USP8: variants seen among roughly 807,000 people sequenced by gnomAD.
USP8 encodes the protein ubiquitin carboxyl-terminal hydrolase 8.
Under a neutral mutation model 130.0 loss-of-function variants are expected in USP8, and 27 were observed. That is an observed-to-expected ratio of 0.21 (90% CI 0.15 to 0.29). The LOEUF is 0.29. Among genes scored for constraint, USP8 ranks in the 10% least tolerant of loss-of-function variants. The pLI, the probability that USP8 is intolerant of heterozygous loss-of-function variation, is 1.00. For missense variants in USP8, 1,029 were observed against 1,312.2 expected, an observed-to-expected ratio of 0.78 and a Z score of 3.33; for synonymous variants, 392 against 444.1, an observed-to-expected ratio of 0.88 and a Z score of 1.48.
At chr15:50,475,057 C>T (rs2051516621) in intron 8 of USP8, among the ~76,000 whole-genome samples, 3 of 151,982 alleles carry the variant, frequency 2.0e-5, no homozygotes, top group Admixed American at 6.6e-5. Context: ...TGCAATGAGC[C>T]GAGATCGCAC....
chr15:50,441,216 C>G, intron 2 of USP8, 133 bp from the exon 3 acceptor site: 3 of 788,356 alleles, frequency 3.8e-6, no homozygotes, highest in Non-Finnish European at 3.7e-6. Context: ...TCATAACAGG[C>G]CGTGAACCAG....
At position 50,494,144 on chromosome 15, in the gene USP8, A is replaced by G; in HGVS notation, c.2522A>G (p.Gln841Arg). Residue 841 changes from glutamine to arginine, a missense_variant, in exon 16 of 20, where the codon CAG becomes CGG. By Grantham distance (43) the Gln-to-Arg change is conservative. Around this residue, in one of 4 missense-constraint regions of USP8, gnomAD observed 257 missense variants for 429.8 expected, o/e 0.60. Transcript: ENST00000307179. Reference protein sequence around the residue: ...GIIMKALWTGQYRYISPKDFK... With the variant: ...GIIMKALWTGRYRYISPKDFK... ...ATCATGAAAGCCCTGTGGACAGGACAGTATAGATATATCAGTCCAAAGGAC... is the reference window on the plus strand; with the variant it reads ...ATCATGAAAGCCCTGTGGACAGGACGGTATAGATATATCAGTCCAAAGGAC... The G allele has an allele frequency of 6.2e-7, 1 of 1,612,902 alleles. No individual in the cohort carries two copies. The highest frequency in any genetic ancestry group is 8.5e-7 in the Non-Finnish European group (1 of 1,179,930).
At chr15:50,451,720 A>G (rs2050634754) in intron 4 of USP8, among the ~76,000 whole-genome samples, 1 of 152,166 alleles carries the variant, frequency 6.6e-6, no homozygotes, top group Non-Finnish European at 1.5e-5. Context: ...CCCTGTGTGA[A>G]CATATCTTCA....
intron 16 of USP8, 38 bp downstream of exon 16, chr15:50,494,318 T>C (rs2052290399): frequency 2.6e-6 from 4 of 1,552,838 alleles, no homozygotes; most frequent in South Asian, 2.5e-5. Context: ...AGAGACTCTT[T>C]AGGGTTGCTC....
rs112393557 is a variant in USP8 at position 50,457,906 on chromosome 15, T to C, written c.336-1094T>C. ...AGAAAAAAAAAAGAAAAAAAGAGCA[T>C]ATAAAATGTAAAGATACAATAAAGA... On this transcript the variant is annotated intron_variant, in intron 4 of 19. Coordinates refer to ENST00000307179, the MANE Select transcript of USP8 (RefSeq NM_005154.5). Among the ~76,000 whole-genome samples the C allele has an allele frequency of 3.6e-3, 539 of 150,522 alleles. 5 individuals are homozygous for C. The highest frequency in any genetic ancestry group is 0.012 in the African/African-American group (510 of 41,004).
At chr15:50,498,307 C>CT in intron 18 of USP8, 1 of 253,604 alleles carries the variant, frequency 3.9e-6, no homozygotes, top group Non-Finnish European at 7.4e-6. Flanking sequence ...TCTTACCTTC[C>CT]TAGAAGACTC....
intron 12 of USP8, 29 bp downstream of exon 12, chr15:50,484,390 GA>G (rs767358605): frequency 7.0e-5 from 108 of 1,549,758 alleles, no homozygotes; most frequent in Non-Finnish European, 8.8e-5. Flanking sequence ...GAAAAAACTG[GA>G]AAAAAAAGCC....
intron 1 of USP8, among the ~76,000 whole-genome samples, chr15:50,436,443 T>G (rs902863919): frequency 6.6e-6 from 1 of 152,232 alleles, no homozygotes; most frequent in Non-Finnish European, 1.5e-5. Context: ...CATACTATGC[T>G]GTATTACTAC....
intron 1 of USP8, among the ~76,000 whole-genome samples, chr15:50,429,376 T>C (rs2049855283): frequency 6.6e-6 from 1 of 151,994 alleles, no homozygotes; most frequent in African/African-American, 2.4e-5. Flanking sequence ...AAATGATTTT[T>C]TAAAATTTTG....
intron 8 of USP8, among the ~76,000 whole-genome samples, chr15:50,472,440 C>G (rs1367473155): frequency 1.3e-5 from 2 of 149,568 alleles, no homozygotes; most frequent in South Asian, 2.1e-4. Context: ...CTAAAAATTA[C>G]AAAAAAATTA....
Position 50,459,008 on chromosome 15 carries a change from A to G in USP8, c.344A>G (p.Glu115Gly). The part of the protein sequence containing the change: ...LSESLKLRYE[E>G]AEVRKKLEEK... Reference sequence around the variant, plus strand: ...CTTATTTTTTCAACTAGATATGAAGAAGCTGAAGTCCGGAAAAAACTTGAG... The same window carrying G: ...CTTATTTTTTCAACTAGATATGAAGGAGCTGAAGTCCGGAAAAAACTTGAG... The change falls in exon 5 of 20, where the codon GAA (glutamate) becomes GGA (glycine). Residue 115 changes from glutamate (E) to glycine (G), a missense_variant. Glu to Gly is a moderately conservative substitution (Grantham distance 98, BLOSUM62 -2). Coordinates refer to ENST00000307179, the MANE Select transcript of USP8 (RefSeq NM_005154.5). 1 of 1,613,026 alleles carries G rather than the reference A, an allele frequency of 6.2e-7. No individual in the cohort carries two copies. Among genetic ancestry groups the G allele is most frequent in the East Asian group, 2.2e-5 (1 of 44,872 alleles).
Position 50,496,077 on chromosome 15 carries a change from C to T in USP8, c.2888C>T (p.Thr963Ile). The T allele has an allele frequency of 6.2e-7, 1 of 1,606,918 alleles. No individual in the cohort carries two copies. The highest frequency in any genetic ancestry group is 2.2e-5 in the East Asian group (1 of 44,800). ...CCACTAGCATCCACAAGTAAATGTA[C>T]ATTACAGGTAAGTTTAAGAAGTAGA... ...SLPLASTSKC[T>I]LQDCLRLFSK... Residue 963 changes from threonine to isoleucine, a missense_variant, in exon 17 of 20, where the codon ACA (threonine) becomes ATA (isoleucine). Physicochemically the swap from Thr to Ile is moderately conservative, Grantham distance 89. This residue lies in a region of USP8 where 257 missense variants were observed against 429.8 expected (regional missense o/e 0.60). Transcript: ENST00000307179.
intron 3 of USP8, among the ~76,000 whole-genome samples, chr15:50,444,324 C>T (rs1474757098): frequency 6.6e-6 from 1 of 151,450 alleles, no homozygotes; most frequent in Non-Finnish European, 1.5e-5. Context: ...AGGCTGATCT[C>T]GAACTCCTGA....
chr15:50,467,588 A>G (rs2051233635), intron 7 of USP8, among the ~76,000 whole-genome samples: 1 of 151,798 alleles, frequency 6.6e-6, no homozygotes, highest in Non-Finnish European at 1.5e-5. Context: ...ACAGGGTCTC[A>G]CTCTGTGCCT....
At chr15:50,493,826 A>ATGAAC (rs1408321780) in intron 15 of USP8, 1 of 648,632 alleles carries the variant, frequency 1.5e-6, no homozygotes, top group African/African-American at 1.8e-5. Flanking sequence ...CCTCGCTGTC[A>ATGAAC]TGAACTGGAG....
At chr15:50,464,870 T>A (rs1396096211) in intron 6 of USP8, among the ~76,000 whole-genome samples, 177 bp from the exon 7 acceptor site, 1 of 152,116 alleles carries the variant, frequency 6.6e-6, no homozygotes, top group Non-Finnish European at 1.5e-5. Flanking sequence ...AAAAACAAGT[T>A]GTATTTAATG....
intron 19 of USP8, 25 bp from the exon 20 acceptor site, chr15:50,498,878 T>C: frequency 9.6e-6 from 15 of 1,567,884 alleles, no homozygotes; most frequent in Non-Finnish European, 1.3e-5. Context: ...TGAATTGATT[T>C]TTTTTTCTAT....
intron 5 of USP8, among the ~76,000 whole-genome samples, chr15:50,461,503 A>G (rs2051003518): frequency 6.7e-6 from 1 of 148,776 alleles, no homozygotes; most frequent in Non-Finnish European, 1.5e-5. Flanking sequence ...TTGTTTCCCC[A>G]TGGATAAAAT....
At chr15:50,489,700 C>A in intron 12 of USP8, 101 bp from the exon 13 acceptor site, 2 of 743,048 alleles carry the variant, frequency 2.7e-6, no homozygotes, top group East Asian at 3.8e-5. Flanking sequence ...TTTTTTGATT[C>A]TTTGGTACAA....
Sources: gnomAD v4.1 joint callset for allele counts (sites outside exome capture counted in the v4.1 genomes callset) on GRCh38, gnomAD v4.1.1 for gene constraint, gnomAD v4.1.1 regional missense constraint, MANE v1.5 for transcripts, NCBI Gene and HGNC (gene_info 2026-07-23, HGNC 2026-07-21) for gene names.